The following PCYT1A variants were observed in gnomAD, a reference collection of about 807,000 sequenced individuals.
PCYT1A encodes choline-phosphate cytidylyltransferase A.
In PCYT1A, 25 loss-of-function variants were observed where a neutral mutation model predicts 43.7. The observed-to-expected ratio is 0.57, with a 90% CI of 0.42 to 0.80. PCYT1A has a LOEUF of 0.80. PCYT1A is among the 30% of genes least tolerant of loss of function. PCYT1A has a pLI of 0.00. For synonymous variants in PCYT1A, 172 were observed against 170.7 expected (o/e 1.01, Z -0.06); for missense variants, 421 against 474.2 (o/e 0.89, Z 1.04).
At position 196,280,577 on chromosome 3, in the gene PCYT1A, T is replaced by A. The variant is rs1005264631; in HGVS notation, c.-11+7038A>T. On this transcript the variant is annotated intron_variant, in intron 1 of 8. Coordinates refer to ENST00000431016, the MANE Select transcript of PCYT1A (RefSeq NM_001312673.2). ...TGTATTGGTATTTTTATTGTTTTTTTTTTTTTTTTTTTCTGAATATTTTCG... is the reference window on the plus strand; with the variant it reads ...TGTATTGGTATTTTTATTGTTTTTTATTTTTTTTTTTTCTGAATATTTTCG... 8.0e-4 allele frequency among the ~76,000 whole-genome samples: 119 copies of A among 147,970 alleles called. 1 individual carries two copies. The highest frequency in any genetic ancestry group is 2.5e-3 in the African/African-American group (100 of 40,514).
rs1304426672 is a variant in PCYT1A, at chr3:196,276,045, C to T, written c.-10-5504G>A. 2.7e-5 allele frequency among the ~76,000 whole-genome samples: 4 copies of T among 148,994 alleles called. No individual in the cohort carries two copies. In the East Asian group the frequency reaches 6.0e-4, roughly 22 times the overall value. ...CCGGGAGGCAGAGCTTGCAGTGAGC[C>T]GAGATCGTGCCACTGCACTCCAGTC... On this transcript the variant is annotated intron_variant, in intron 1 of 8. Coordinates refer to ENST00000431016, the MANE Select transcript of PCYT1A (RefSeq NM_001312673.2).
Position 196,239,868 on chromosome 3 carries a change from AC to A in PCYT1A, c.709-134del, listed in dbSNP as rs1160417970. On this transcript the variant is annotated intron_variant, in intron 7 of 8. Coordinates refer to ENST00000431016, the MANE Select transcript of PCYT1A (RefSeq NM_001312673.2). ...CTAGAATTTTGCTTTGCTTTAATCT[AC>A]CCCACTCTCAGCATAATAACAGATA... 8.3e-5 allele frequency: 54 copies of A among 646,764 alleles called. 1 individual carries two copies. The highest frequency in any genetic ancestry group is 1.0e-4 in the Non-Finnish European group (37 of 362,260). The allele number at this position is 646,764 out of a possible 1,614,324, so 40.1% of individuals were successfully genotyped here.
chr3:196,245,492 G>C (rs917018538), intron 5 of PCYT1A, among the ~76,000 whole-genome samples: 2 of 152,106 alleles, frequency 1.3e-5, no homozygotes, highest in Non-Finnish European at 2.9e-5. Flanking sequence ...GAATGATACT[G>C]GGGATCAATA....
intron 2 of PCYT1A, among the ~76,000 whole-genome samples, chr3:196,265,884 G>A (rs529024488): frequency 2.6e-5 from 4 of 151,870 alleles, no homozygotes; most frequent in South Asian, 2.1e-4. Flanking sequence ...GACTACAGGC[G>A]CCCACCACTG....
At position 196,237,993 on chromosome 3, in the gene PCYT1A, G is replaced by A. The variant is rs1724219286; in HGVS notation, c.*695C>T. On this transcript the variant is annotated 3_prime_UTR_variant, in exon 9 of 9. Transcript: ENST00000431016. ...CAGAAACACTGCAGTTGATGCCATG[G>A]GTCTGCTTCCATCCCCATCAGTGTC... 1 of 152,196 alleles carries A rather than the reference G, an allele frequency of 6.6e-6. No individual in the cohort carries two copies. The highest frequency in any genetic ancestry group is 2.1e-4 in the South Asian group (1 of 4,832). 9.4% of individuals were successfully genotyped at this position (152,196 alleles called of 1,614,324 possible). A position where few individuals can be genotyped will look rare whatever the true frequency, so the allele number is the denominator to read the frequency against.
intron 1 of PCYT1A, among the ~76,000 whole-genome samples, chr3:196,274,542 G>A (rs1321669518): frequency 1.3e-5 from 2 of 152,216 alleles, no homozygotes; most frequent in East Asian, 3.8e-4. Flanking sequence ...ATTGGGGGTA[G>A]GGGAAACTCT....
rs569626621 is a variant in PCYT1A, at chr3:196,250,987, T to C, written c.218-2664A>G. ...TGCTGAGGTTGAGGACCAGATACCC[T>C]ATGCTGAGGCTGAGGACCAGATACA... On this transcript the variant is annotated intron_variant, in intron 3 of 8. Transcript: ENST00000431016. 3.1e-4 allele frequency among the ~76,000 whole-genome samples: 41 copies of C among 134,166 alleles called. 1 individual carries two copies. The highest frequency in any genetic ancestry group is 2.2e-3 in the East Asian group (9 of 4,046). 88.0% of individuals were successfully genotyped at this position (134,166 alleles called of 152,430 possible).
chr3:196,282,923 T>C lies in PCYT1A; in HGVS notation c.-11+4692A>G, dbSNP rs1389530916. 6.6e-6 allele frequency among the ~76,000 whole-genome samples: 1 copy of C among 152,208 alleles called. No individual in the cohort carries two copies. On this transcript the variant is annotated intron_variant, in intron 1 of 8. Transcript: ENST00000431016. This position sits in a 1 kb window ranked among gnomAD's most constrained non-coding sequence, Gnocchi z 4.3. ...AAACTGGTTTGCAAGTAGTTGTGAATGTGATATAACAGCCTAGCAGATTCA... is the reference window on the plus strand; with the variant it reads ...AAACTGGTTTGCAAGTAGTTGTGAACGTGATATAACAGCCTAGCAGATTCA...
chr3:196,269,487 G>T (rs1268404265), intron 2 of PCYT1A, among the ~76,000 whole-genome samples: 2 of 152,144 alleles, frequency 1.3e-5, no homozygotes, highest in African/African-American at 2.4e-5. Context: ...AGCTTCAATT[G>T]TGTGTAAGTG....
At chr3:196,270,923 G>C (rs570435793) in intron 1 of PCYT1A, among the ~76,000 whole-genome samples, 19 of 152,312 alleles carry the variant, frequency 1.2e-4, no homozygotes, top group South Asian at 6.2e-4. Flanking sequence ...CGATATGACA[G>C]GTATAAGGCA....
In PCYT1A at chr3:196,238,596, G is replaced by C; in HGVS notation, c.*92C>G. On this transcript the variant is annotated 3_prime_UTR_variant, in exon 9 of 9. Coordinates refer to ENST00000431016, the MANE Select transcript of PCYT1A (RefSeq NM_001312673.2). ...TGTCTTTCCTTTGTAGCTGTCCTTA[G>C]GTTTAGTGTTGGGGTCACAATTTGG... 1 of 866,270 alleles carries C rather than the reference G, an allele frequency of 1.2e-6. No individual in the cohort carries two copies. Among genetic ancestry groups the C allele is most frequent in the Non-Finnish European group, 1.7e-6 (1 of 577,288 alleles). 53.7% of individuals were successfully genotyped at this position (866,270 alleles called of 1,614,324 possible).
At chr3:196,246,630 T>C (rs1319027589) in intron 5 of PCYT1A, among the ~76,000 whole-genome samples, 2 of 152,230 alleles carry the variant, frequency 1.3e-5, no homozygotes, top group African/African-American at 4.8e-5. Context: ...GATTTCTGAT[T>C]CCACCCAATT....
chr3:196,241,424 G>A, intron 7 of PCYT1A: 2 of 903,792 alleles, frequency 2.2e-6, no homozygotes, highest in Non-Finnish European at 3.1e-6. Context: ...CTGGCCTCAA[G>A]CAGTCCTCCC....
intron 7 of PCYT1A, among the ~76,000 whole-genome samples, chr3:196,241,074 G>A (rs937489200): frequency 4.2e-5 from 6 of 142,754 alleles, no homozygotes; most frequent in Admixed American, 7.5e-5. Context: ...GGGTCCGATC[G>A]CTTGAGGCCA....
chr3:196,269,951 G>C (rs563096745), intron 2 of PCYT1A, among the ~76,000 whole-genome samples: 1 of 152,054 alleles, frequency 6.6e-6, no homozygotes, highest in Non-Finnish European at 1.5e-5. Flanking sequence ...TCGGCTCACC[G>C]CATCCTCCGC....
rs1171782704 is a variant in PCYT1A, at chr3:196,247,349, A to G, written c.486+18T>C. On this transcript the variant is annotated intron_variant, in intron 5 of 8. Coordinates refer to ENST00000431016, the MANE Select transcript of PCYT1A (RefSeq NM_001312673.2). The surrounding 1 kb of genome is among the most constrained non-coding windows in gnomAD (Gnocchi z 4.8). Reference sequence around the variant, plus strand: ...GGATTCTGAAACAAGGAATGGGAATATGTGTCCAGTTTCTTACCCGGTGTT... The same window carrying G: ...GGATTCTGAAACAAGGAATGGGAATGTGTGTCCAGTTTCTTACCCGGTGTT... 6.2e-7 allele frequency: 1 copy of G among 1,612,998 alleles called. No individual in the cohort carries two copies. The highest frequency in any genetic ancestry group is 1.7e-5 in the Admixed American group (1 of 59,992).
rs142263912 is a variant in PCYT1A, at chr3:196,237,888, C to A, written c.*800G>T. The A allele has an allele frequency of 3.9e-5, 6 of 152,178 alleles. No homozygotes were observed. Among genetic ancestry groups the A allele is most frequent in the Admixed American group, 6.5e-5 (1 of 15,274 alleles). The allele number at this position is 152,178 out of a possible 1,614,324, so 9.4% of individuals were successfully genotyped here. ...GTAACTCTAAAAGTGTTCCTTCCTT[C>A]GAAGGTAGATGGCACGAAAGAGACT... On this transcript the variant is annotated 3_prime_UTR_variant, in exon 9 of 9. Coordinates refer to ENST00000431016, the MANE Select transcript of PCYT1A (RefSeq NM_001312673.2).
At chr3:196,267,260 C>T (rs1363643714) in intron 2 of PCYT1A, 1 of 452,206 alleles carries the variant, frequency 2.2e-6, no homozygotes, top group East Asian at 7.0e-5. Flanking sequence ...TGAAAGAAGC[C>T]AGCCCCAAAG....
Position 196,238,830 on chromosome 3 carries a change from C to T in PCYT1A, c.962G>A (p.Ser321Asn). ...GGAGCGCTCGCGAGTAGGGCTGCTGCTGGGGCTCTGCTTCGGGCTGATGGC... is the reference window on the plus strand; with the variant it reads ...GGAGCGCTCGCGAGTAGGGCTGCTGTTGGGGCTCTGCTTCGGGCTGATGGC... ...LQAISPKQSP[S>N]SSPTRERSPS... Residue 321 changes from serine (S) to asparagine (N), a missense_variant, in exon 9 of 9, where the codon AGC (serine) becomes AAC (asparagine). By Grantham distance (46) the Ser-to-Asn change is conservative (BLOSUM62 1). Around this residue, in one of 3 missense-constraint regions of PCYT1A, gnomAD observed 108 missense variants for 85.7 expected, o/e 1.26. Coordinates refer to ENST00000431016, the MANE Select transcript of PCYT1A (RefSeq NM_001312673.2). 1 of 1,564,360 alleles carries T rather than the reference C, an allele frequency of 6.4e-7. No homozygotes were observed. The highest frequency in any genetic ancestry group is 2.4e-5 in the East Asian group (1 of 40,936).
Sources: gnomAD v4.1 joint callset for allele counts (sites outside exome capture counted in the v4.1 genomes callset) on GRCh38, gnomAD v4.1.1 for gene constraint, gnomAD v4.1.1 regional missense constraint, Gnocchi (gnomAD v3.1) non-coding constraint, MANE v1.5 for transcripts, NCBI Gene and HGNC (gene_info 2026-07-23, HGNC 2026-07-21) for gene names.